Variants in DPP10 observed in about 807,000 individuals in gnomAD.
The protein encoded by DPP10 is inactive dipeptidyl peptidase 10.
A neutral mutation model predicts 120.9 loss-of-function variants in DPP10; 33 were observed. The observed-to-expected ratio is 0.27, with a 90% CI of 0.21 to 0.37. The LOEUF is 0.37. Among genes scored for constraint, DPP10 ranks in the 10% least tolerant of loss-of-function variants. The pLI, the probability that DPP10 is intolerant of heterozygous loss-of-function variation, is 1.00. For missense variants in DPP10, 816 were observed against 942.8 expected, an observed-to-expected ratio of 0.87 and a Z score of 1.76; for synonymous variants, 337 against 326.1, an observed-to-expected ratio of 1.03 and a Z score of -0.36.
At chr2:114,601,913 C>T (rs1356995213) in intron 1 of DPP10, among the ~76,000 whole-genome samples, 6 of 151,824 alleles carry the variant, frequency 4.0e-5, no homozygotes, top group Non-Finnish European at 8.8e-5. Context: ...ACTTTCAAGG[C>T]TTTAATAAAT....
At position 114,524,927 on chromosome 2, in the gene DPP10, A is replaced by T. The variant is rs1219152736; in HGVS notation, c.60+82089A>T. 2.4e-4 allele frequency among the ~76,000 whole-genome samples: 36 copies of T among 152,026 alleles called. 2 individuals are homozygous for T. Among genetic ancestry groups the T allele is most frequent in the Admixed American group, 2.4e-3 (36 of 15,258 alleles). On this transcript the variant is annotated intron_variant, in intron 1 of 25. Transcript: ENST00000410059. ...CCTCTGGAGATTTTGTACTTTTCCA[A>T]TGTTTTTCTTTAAATGTAGGCTTCC... is the stretch of plus-strand genomic sequence containing the variant.
intron 1 of DPP10, among the ~76,000 whole-genome samples, chr2:114,645,478 C>T (rs551007271): frequency 1.8e-4 from 28 of 152,322 alleles, no homozygotes; most frequent in African/African-American, 5.5e-4. Flanking sequence ...AAAGCATAAC[C>T]TGCTTCTCTT....
chr2:115,307,459 A>G (rs2061404129), intron 1 of DPP10, among the ~76,000 whole-genome samples: 6 of 152,144 alleles, frequency 3.9e-5, no homozygotes, highest in Admixed American at 3.3e-4. Flanking sequence ...TTACATTGTG[A>G]AACAATAATA....
intron 1 of DPP10, among the ~76,000 whole-genome samples, chr2:114,661,322 A>C (rs1228075243): frequency 3.3e-5 from 5 of 152,338 alleles, no homozygotes; most frequent in African/African-American, 1.2e-4. Context: ...TAAATGGAGC[A>C]TAAGTTTCTC....
intron 1 of DPP10, among the ~76,000 whole-genome samples, chr2:114,848,127 C>A (rs147878827): frequency 6.6e-6 from 1 of 152,062 alleles, no homozygotes; most frequent in Non-Finnish European, 1.5e-5. Flanking sequence ...TAAGGATGGC[C>A]CGAGTTTATA....
At chr2:115,109,436 T>C (rs2049105389) in intron 1 of DPP10, among the ~76,000 whole-genome samples, 1 of 151,944 alleles carries the variant, frequency 6.6e-6, no homozygotes, top group Admixed American at 6.6e-5. Context: ...CTCTGGAGGC[T>C]GAGGCAGGAG....
chr2:115,087,598 G>A (rs1008118764), intron 1 of DPP10, among the ~76,000 whole-genome samples: 1 of 142,856 alleles, frequency 7.0e-6, no homozygotes, highest in Non-Finnish European at 1.5e-5. Flanking sequence ...AGTTGCACAG[G>A]CTGGAGTGCA....
chr2:115,322,019 A>G (rs1574416460), intron 2 of DPP10, among the ~76,000 whole-genome samples: 1 of 152,142 alleles, frequency 6.6e-6, no homozygotes, highest in South Asian at 2.1e-4. Flanking sequence ...GTCATTCTCT[A>G]TTGAGTAAAA....
intron 1 of DPP10, among the ~76,000 whole-genome samples, chr2:115,198,721 T>A (rs1382102019): frequency 1.3e-5 from 2 of 152,164 alleles, no homozygotes; most frequent in African/African-American, 4.8e-5. Context: ...CCACCCAGAC[T>A]TAAGATCAGT....
intron 1 of DPP10, among the ~76,000 whole-genome samples, chr2:115,016,948 A>C (rs939682216): frequency 6.6e-6 from 1 of 151,928 alleles, no homozygotes; most frequent in African/African-American, 2.4e-5. Flanking sequence ...TCAGTAAACT[A>C]TCGCAAGGAC....
intron 1 of DPP10, among the ~76,000 whole-genome samples, chr2:115,022,951 A>G (rs562176285): frequency 3.9e-5 from 6 of 152,204 alleles, no homozygotes; most frequent in African/African-American, 1.4e-4. Context: ...AGCCACATGC[A>G]GAAGAATGAA....
intron 3 of DPP10, among the ~76,000 whole-genome samples, chr2:115,394,469 C>CAAAA (rs34655384): frequency 2.2e-5 from 2 of 91,150 alleles, no homozygotes; most frequent in African/African-American, 4.4e-5. Flanking sequence ...TCAACCTCAC[C>CAAAA]AAAAAAAAAA....
chr2:115,258,398 G>A (rs2059100581), intron 1 of DPP10, among the ~76,000 whole-genome samples: 2 of 151,308 alleles, frequency 1.3e-5, no homozygotes, highest in African/African-American at 4.9e-5. Flanking sequence ...AGTTTAAATA[G>A]CTGATTGAAA....
At chr2:115,039,155 C>G (rs904673072) in intron 1 of DPP10, among the ~76,000 whole-genome samples, 1 of 151,928 alleles carries the variant, frequency 6.6e-6, no homozygotes, top group Non-Finnish European at 1.5e-5. Context: ...GTGTAGGGAA[C>G]TTAACATTTC....
At chr2:115,010,371 G>A (rs1215863004) in intron 1 of DPP10, among the ~76,000 whole-genome samples, 3 of 152,094 alleles carry the variant, frequency 2.0e-5, no homozygotes, top group Non-Finnish European at 4.4e-5. Flanking sequence ...GTAAATCACA[G>A]ATAAAATTTG....
At chr2:115,011,479 C>T (rs1702259589) in intron 1 of DPP10, among the ~76,000 whole-genome samples, 1 of 152,198 alleles carries the variant, frequency 6.6e-6, no homozygotes, top group African/African-American at 2.4e-5. Context: ...ATTTATCCTT[C>T]TGATAAATTG....
intron 1 of DPP10, among the ~76,000 whole-genome samples, chr2:114,995,938 T>A (rs533813942): frequency 6.6e-6 from 1 of 152,316 alleles, no homozygotes; most frequent in Non-Finnish European, 1.5e-5. Flanking sequence ...CAGTTTTCAC[T>A]TTTGTATAAA....
At chr2:114,812,451 G>A (rs1685253981) in intron 1 of DPP10, among the ~76,000 whole-genome samples, 1 of 151,884 alleles carries the variant, frequency 6.6e-6, no homozygotes, top group African/African-American at 2.4e-5. Context: ...AGCTGGGCAT[G>A]GTGGAATGTG....
intron 1 of DPP10, among the ~76,000 whole-genome samples, chr2:114,748,102 C>A (rs1249162868): frequency 6.6e-6 from 1 of 151,902 alleles, no homozygotes; most frequent in African/African-American, 2.4e-5. Context: ...TTTTATTTTT[C>A]TAGACATTTA....
Sources: allele counts gnomAD v4.1 joint callset (sites outside exome capture counted in the v4.1 genomes callset), GRCh38; gene constraint gnomAD v4.1.1; transcripts MANE v1.5; gene names NCBI Gene and HGNC (gene_info 2026-07-23, HGNC 2026-07-21).